Variants in CHCHD3 observed in about 807,000 individuals in gnomAD.
The protein encoded by CHCHD3 is MICOS complex subunit MIC19.
CHCHD3 carries 20 observed loss-of-function variants against 38.2 expected under a neutral mutation model. The observed-to-expected ratio is 0.52, with a 90% CI of 0.37 to 0.76. The LOEUF (loss-of-function observed/expected upper bound fraction) is 0.76, where lower values mean the gene tolerates loss of function less well. Among genes scored for constraint, CHCHD3 ranks in the 30% least tolerant of loss-of-function variants. The pLI, the probability that CHCHD3 is intolerant of heterozygous loss-of-function variation, is 0.00. For missense variants in CHCHD3, 245 were observed against 279.2 expected, an observed-to-expected ratio of 0.88 and a Z score of 0.87; for synonymous variants, 82 against 100.0, an observed-to-expected ratio of 0.82 and a Z score of 1.07.
intron 4 of CHCHD3, among the ~76,000 whole-genome samples, chr7:132,927,061 G>C (rs1453669817): frequency 1.3e-5 from 2 of 152,180 alleles, no homozygotes; most frequent in Non-Finnish European, 2.9e-5. Context: ...ACTTTAGGGA[G>C]CACAGGCTAT....
At chr7:132,861,186 T>C (rs1168276826) in intron 5 of CHCHD3, among the ~76,000 whole-genome samples, 1 of 152,180 alleles carries the variant, frequency 6.6e-6, no homozygotes, top group Non-Finnish European at 1.5e-5. Flanking sequence ...GTGTCGTAGA[T>C]TGTGAGCTTC....
At chr7:132,827,582 C>CA (rs1214919187) in intron 6 of CHCHD3, among the ~76,000 whole-genome samples, 2 of 152,152 alleles carry the variant, frequency 1.3e-5, no homozygotes, top group Non-Finnish European at 2.9e-5. Flanking sequence ...CACAATGCAC[C>CA]AATCTTCAGT....
chr7:133,004,123 G>C (rs1812641134), intron 3 of CHCHD3, among the ~76,000 whole-genome samples: 1 of 151,890 alleles, frequency 6.6e-6, no homozygotes, highest in Non-Finnish European at 1.5e-5. Flanking sequence ...GCTAATTTTT[G>C]TTTTTGTTTT....
intron 3 of CHCHD3, among the ~76,000 whole-genome samples, chr7:132,982,411 A>G (rs959685545): frequency 6.6e-6 from 1 of 152,146 alleles, no homozygotes; most frequent in Non-Finnish European, 1.5e-5. Flanking sequence ...CAGTCTCCCA[A>G]GTAGCTGGGA....
intron 4 of CHCHD3, among the ~76,000 whole-genome samples, chr7:132,892,987 T>C (rs998898545): frequency 5.9e-5 from 9 of 152,176 alleles, no homozygotes; most frequent in Admixed American, 3.3e-4. Flanking sequence ...AATGGGGGGT[T>C]GGAGCCCCCA....
intron 5 of CHCHD3, among the ~76,000 whole-genome samples, chr7:132,839,671 T>A (rs1807888702): frequency 6.6e-6 from 1 of 152,212 alleles, no homozygotes; most frequent in Non-Finnish European, 1.5e-5. Flanking sequence ...AGTGAAATCC[T>A]CTTCACACCA....
intron 2 of CHCHD3, among the ~76,000 whole-genome samples, chr7:133,059,463 G>C (rs1177637050): frequency 6.6e-6 from 1 of 152,146 alleles, no homozygotes; most frequent in Non-Finnish European, 1.5e-5. Context: ...GAGGGTCCGA[G>C]AAGGGAAAAT....
intron 6 of CHCHD3, among the ~76,000 whole-genome samples, chr7:132,802,194 T>C (rs1806810145): frequency 6.6e-6 from 1 of 152,006 alleles, no homozygotes; most frequent in Non-Finnish European, 1.5e-5. Context: ...TTGGAAATGA[T>C]GGGGGGCAGG....
Position 132,862,577 on chromosome 7 carries a change from T to C in CHCHD3, c.453+23085A>G, listed in dbSNP as rs140436490. On this transcript the variant is annotated intron_variant, in intron 5 of 7. Coordinates refer to ENST00000262570, the MANE Select transcript of CHCHD3 (RefSeq NM_017812.4). The stretch of plus-strand genomic sequence containing the variant: ...TGCGGTGGTGGCCAAATGGCATGGC[T>C]ATGACAATTTCTTAAATAAGACAAC... Among the ~76,000 whole-genome samples the C allele has an allele frequency of 8.4e-3, 1,274 of 152,358 alleles. 23 individuals are homozygous for C. Among genetic ancestry groups the C allele is most frequent in the African/African-American group, 0.029 (1,209 of 41,588 alleles).
chr7:133,072,576 G>A (rs1031775889), intron 1 of CHCHD3, among the ~76,000 whole-genome samples: 5 of 152,114 alleles, frequency 3.3e-5, no homozygotes, highest in South Asian at 2.1e-4. Context: ...ATGGTGGCTC[G>A]CATCTGTAAT....
At chr7:133,008,057 T>C (rs973943872) in intron 3 of CHCHD3, among the ~76,000 whole-genome samples, 2 of 152,204 alleles carry the variant, frequency 1.3e-5, no homozygotes, top group Admixed American at 1.3e-4. Flanking sequence ...AGAAAATTGA[T>C]TCTGTTTCTT....
At chr7:132,816,186 G>A (rs1370548423) in intron 6 of CHCHD3, among the ~76,000 whole-genome samples, 1 of 152,150 alleles carries the variant, frequency 6.6e-6, no homozygotes, top group Non-Finnish European at 1.5e-5. Flanking sequence ...AAAATCCACA[G>A]TTTCTGAAAA....
chr7:132,798,021 T>C (rs1160432075), intron 6 of CHCHD3, among the ~76,000 whole-genome samples: 1 of 152,220 alleles, frequency 6.6e-6, no homozygotes, highest in African/African-American at 2.4e-5. Flanking sequence ...TTAAATTTAA[T>C]GGGTTCAAAC....
At chr7:132,886,108 C>CT in intron 4 of CHCHD3, among the ~76,000 whole-genome samples, 1 of 152,070 alleles carries the variant, frequency 6.6e-6, no homozygotes. Flanking sequence ...ATACATGGCT[C>CT]TTTTTTGAAC....
chr7:132,942,631 A>G (rs1045412102), intron 4 of CHCHD3, among the ~76,000 whole-genome samples: 3 of 152,328 alleles, frequency 2.0e-5, no homozygotes, highest in South Asian at 2.1e-4. Context: ...GAAGATATCC[A>G]TAAGAAATAC....
chr7:132,988,088 A>G (rs991017722), intron 3 of CHCHD3, among the ~76,000 whole-genome samples: 1 of 152,168 alleles, frequency 6.6e-6, no homozygotes, highest in African/African-American at 2.4e-5. Context: ...GATGACTATT[A>G]CTAGTTCAGT....
chr7:133,080,336 G>C (rs1245067145), intron 1 of CHCHD3, among the ~76,000 whole-genome samples: 1 of 152,218 alleles, frequency 6.6e-6, no homozygotes, highest in East Asian at 1.9e-4. Context: ...TGCTGTCACA[G>C]TTATTCCATC....
chr7:132,830,943 C>T (rs898746534), intron 6 of CHCHD3, among the ~76,000 whole-genome samples: 2 of 151,954 alleles, frequency 1.3e-5, no homozygotes, highest in Admixed American at 6.6e-5. Context: ...CTCCAAGGAC[C>T]GTGGGGAATA....
intron 6 of CHCHD3, among the ~76,000 whole-genome samples, chr7:132,820,314 A>C (rs1381852608): frequency 6.6e-6 from 1 of 152,226 alleles, no homozygotes; most frequent in East Asian, 1.9e-4. Context: ...CATAATGAGC[A>C]AAGGTTGTAA....
Sources: allele counts gnomAD v4.1 joint callset (sites outside exome capture counted in the v4.1 genomes callset), GRCh38; gene constraint gnomAD v4.1.1; transcripts MANE v1.5; gene names NCBI Gene and HGNC (gene_info 2026-07-23, HGNC 2026-07-21).